The following CNPY1 variants were observed in gnomAD, a reference collection of about 807,000 sequenced individuals.
CNPY1 encodes canopy FGF signaling regulator 1.
Under a neutral mutation model 14.4 loss-of-function variants are expected in CNPY1, and 14 were observed. The observed-to-expected ratio is 0.97, with a 90% CI of 0.64 to 1.52. The LOEUF (loss-of-function observed/expected upper bound fraction) is 1.52. CNPY1 is among the 40% of genes most tolerant of loss of function. CNPY1 has a pLI of 0.00. For synonymous variants in CNPY1, 43 were observed against 46.5 expected (o/e 0.92, Z 0.31); for missense variants, 129 against 131.5 (o/e 0.98, Z 0.09).
At chr7:155,513,343 G>A (rs926098663) in intron 2 of CNPY1, among the ~76,000 whole-genome samples, 1 of 152,084 alleles carries the variant, frequency 6.6e-6, no homozygotes, top group African/African-American at 2.4e-5. Context: ...CACATATAAC[G>A]GAATTAATAG....
At chr7:155,505,289 C>T (rs1301687681) in intron 4 of CNPY1, among the ~76,000 whole-genome samples, 1 of 152,164 alleles carries the variant, frequency 6.6e-6, no homozygotes, top group Non-Finnish European at 1.5e-5. Context: ...ACACCTTTTA[C>T]TTCCAGTACT....
intron 2 of CNPY1, among the ~76,000 whole-genome samples, chr7:155,535,633 AC>A (rs534340772): frequency 2.0e-5 from 3 of 152,282 alleles, no homozygotes; most frequent in African/African-American, 7.2e-5. Context: ...CCTTGCCTAC[AC>A]ACGAGGCCTG....
At chr7:155,503,324 A>G (rs1796184711) in intron 4 of CNPY1, among the ~76,000 whole-genome samples, 1 of 152,150 alleles carries the variant, frequency 6.6e-6, no homozygotes, top group Non-Finnish European at 1.5e-5. Context: ...ACAAAGATCA[A>G]CACTGCTGTT....
intron 2 of CNPY1, among the ~76,000 whole-genome samples, chr7:155,513,356 G>A (rs149625448): frequency 1.3e-5 from 2 of 152,126 alleles, no homozygotes; most frequent in African/African-American, 4.8e-5. Flanking sequence ...ATTAATAGGA[G>A]TGCTTCCAGC....
At chr7:155,507,611 CA>C (rs1282574250) in intron 3 of CNPY1, among the ~76,000 whole-genome samples, 2 of 148,918 alleles carry the variant, frequency 1.3e-5, no homozygotes, top group Non-Finnish European at 3.0e-5. Flanking sequence ...GCAATCAAAA[CA>C]AACGCATCTT....
In CNPY1 at chr7:155,545,814, A is replaced by G. The variant is rs183482091; in HGVS notation, c.99+17T>C. ...TATCCGCAATTATACACTGGCACATAATATCTTTTCCACTACCTTTCTCCT... is the reference window on the plus strand; with the variant it reads ...TATCCGCAATTATACACTGGCACATGATATCTTTTCCACTACCTTTCTCCT... On this transcript the variant is annotated intron_variant, in intron 2 of 4. Transcript: ENST00000636446. 14 of 398,578 alleles carry G rather than the reference A, an allele frequency of 3.5e-5. No individual in the cohort carries two copies. Among genetic ancestry groups the G allele is most frequent in the Non-Finnish European group, 6.2e-5 (14 of 226,028 alleles). 24.7% of individuals were successfully genotyped at this position (398,578 alleles called of 1,614,324 possible).
In CNPY1 at chr7:155,505,121, T is replaced by A. The variant is rs866906161; in HGVS notation, c.400+1899A>T. 2.0e-5 allele frequency among the ~76,000 whole-genome samples: 3 copies of A among 152,190 alleles called. No homozygotes were observed. The South Asian group carries it at 6.2e-4, about 31-fold the overall frequency. On this transcript the variant is annotated intron_variant, in intron 4 of 4. Coordinates refer to ENST00000636446, the MANE Select transcript of CNPY1 (RefSeq NM_001393663.1). ...GGGCTTTTTGAGTGGGTGGGAGAAG[T>A]CCAGTCTCTCTCTAGGATTAATTTA...
chr7:155,510,878 A>T (rs1337313064), intron 2 of CNPY1, among the ~76,000 whole-genome samples: 1 of 152,258 alleles, frequency 6.6e-6, no homozygotes, highest in African/African-American at 2.4e-5. Context: ...AAAAACTATA[A>T]AATGCAGAGG....
chr7:155,537,349 G>C (rs762244590), intron 2 of CNPY1, among the ~76,000 whole-genome samples: 19 of 151,952 alleles, frequency 1.3e-4, no homozygotes, highest in Non-Finnish European at 2.4e-4. Flanking sequence ...CAGGGCCAGT[G>C]ACACCACCAG....
At chr7:155,526,739 C>CA in intron 2 of CNPY1, among the ~76,000 whole-genome samples, 2 of 152,322 alleles carry the variant, frequency 1.3e-5, no homozygotes, top group South Asian at 4.1e-4. Context: ...TGGCAATATG[C>CA]AAGAAAGCAG....
intron 4 of CNPY1, 89 bp from the exon 5 acceptor site, chr7:155,503,194 G>T: frequency 9.8e-7 from 1 of 1,024,044 alleles, no homozygotes; most frequent in Non-Finnish European, 1.4e-6. Flanking sequence ...ACTATGTTCT[G>T]GTAGAAGCAT....
intron 2 of CNPY1, among the ~76,000 whole-genome samples, chr7:155,521,345 G>T (rs751880187): frequency 1.3e-5 from 2 of 152,228 alleles, no homozygotes; most frequent in Non-Finnish European, 2.9e-5. Flanking sequence ...TTCTTTACAT[G>T]CAGGGGACCC....
intron 2 of CNPY1, among the ~76,000 whole-genome samples, chr7:155,515,149 G>A (rs919393966): frequency 2.0e-5 from 3 of 152,060 alleles, no homozygotes; most frequent in South Asian, 2.1e-4. Context: ...TATGGCTTCC[G>A]GGGAGGCAGA....
At chr7:155,508,032 G>A (rs2116678129) in intron 3 of CNPY1, among the ~76,000 whole-genome samples, 1 of 152,234 alleles carries the variant, frequency 6.6e-6, no homozygotes, top group South Asian at 2.1e-4. Context: ...CCTGATTATT[G>A]CCTTTACTTT....
rs796934868 is a variant in CNPY1, at chr7:155,515,302, C to T, written c.100-6205G>A. ...GTCCTGGTCTCAAGGCCGCCCCCCC[C>T]CCCCCCGGCCCCGGCCAGGAACTCT... On this transcript the variant is annotated intron_variant, in intron 2 of 4. Coordinates refer to ENST00000636446, the MANE Select transcript of CNPY1 (RefSeq NM_001393663.1). Among the ~76,000 whole-genome samples, 54 of 141,068 alleles carry T rather than the reference C, an allele frequency of 3.8e-4. 2 individuals are homozygous for T. Among genetic ancestry groups the T allele is most frequent in the South Asian group, 3.4e-3 (14 of 4,166 alleles). 92.5% of individuals were successfully genotyped at this position (141,068 alleles called of 152,430 possible).
intron 2 of CNPY1, among the ~76,000 whole-genome samples, chr7:155,541,530 A>T (rs1161321800): frequency 6.6e-6 from 1 of 152,200 alleles, no homozygotes; most frequent in Non-Finnish European, 1.5e-5. Context: ...ATCATTCCCC[A>T]CACCACATGA....
At chr7:155,542,922 A>G (rs1563098806) in intron 2 of CNPY1, among the ~76,000 whole-genome samples, 1 of 152,172 alleles carries the variant, frequency 6.6e-6, no homozygotes, top group East Asian at 1.9e-4. Context: ...GACGGAGAGA[A>G]TAGCCCGGTA....
At chr7:155,534,566 C>T (rs1406198701) in intron 2 of CNPY1, among the ~76,000 whole-genome samples, 1 of 152,218 alleles carries the variant, frequency 6.6e-6, no homozygotes, top group African/African-American at 2.4e-5. Context: ...GGCGGATCAG[C>T]TGCAGGGGCT....
chr7:155,503,018 G>C lies in CNPY1; in HGVS notation c.*50C>G. 1 of 1,535,260 alleles carries C rather than the reference G, an allele frequency of 6.5e-7. No homozygotes were observed. Among genetic ancestry groups the C allele is most frequent in the Non-Finnish European group, 8.9e-7 (1 of 1,120,640 alleles). ...CATGCAAACATAAAATGCAGACATTGACCTTTGGGTGTGACTTTACTCCTC... is the reference window on the plus strand; with the variant it reads ...CATGCAAACATAAAATGCAGACATTCACCTTTGGGTGTGACTTTACTCCTC... On this transcript the variant is annotated 3_prime_UTR_variant, in exon 5 of 5. Coordinates refer to ENST00000636446, the MANE Select transcript of CNPY1 (RefSeq NM_001393663.1).
Sources: gnomAD v4.1 joint callset for allele counts (sites outside exome capture counted in the v4.1 genomes callset) on GRCh38, gnomAD v4.1.1 for gene constraint, MANE v1.5 for transcripts, NCBI Gene and HGNC (gene_info 2026-07-23, HGNC 2026-07-21) for gene names.